ZNF462: variants seen among roughly 807,000 people sequenced by gnomAD.
ZNF462 encodes the protein zinc finger protein 462, also known as zinc finger PBX1-interacting protein.
A neutral mutation model predicts 201.9 loss-of-function variants in ZNF462; 10 were observed. The ratio of observed to expected loss-of-function variants is 0.05; its 90% CI spans 0.03 to 0.08. The LOEUF is 0.08. Ranked by LOEUF, ZNF462 falls within the 10% of genes least tolerant of loss-of-function variation. The pLI, the probability that ZNF462 is intolerant of heterozygous loss-of-function variation, is 1.00. For missense variants in ZNF462, 2,523 were observed against 3,168.3 expected (o/e 0.80, Z 4.89); for synonymous variants, 1,227 against 1,193.3 (o/e 1.03, Z -0.58).
In ZNF462 at chr9:106,954,353, G is replaced by A. The variant is rs1489959172; in HGVS notation, c.6427+15246G>A. Among the ~76,000 whole-genome samples, 1 of 151,990 alleles carries A rather than the reference G, an allele frequency of 6.6e-6. No individual in the cohort carries two copies. The highest frequency in any genetic ancestry group is 6.6e-5 in the Admixed American group (1 of 15,238). Reference sequence around the variant, plus strand: ...CCATACTTCTAAACCATCAGATCTTGTGATAACTCACTTACTGTCACAAGA... The same window carrying A: ...CCATACTTCTAAACCATCAGATCTTATGATAACTCACTTACTGTCACAAGA... On this transcript the variant is annotated intron_variant, in intron 7 of 12. Transcript: ENST00000277225. The surrounding 1 kb of genome is among the most constrained non-coding windows in gnomAD (Gnocchi z 4.0).
chr9:106,944,449 CATA>C (rs1032921910), intron 7 of ZNF462, among the ~76,000 whole-genome samples: 14 of 152,246 alleles, frequency 9.2e-5, no homozygotes, highest in South Asian at 2.1e-4. Flanking sequence ...TAAATTGACA[CATA>C]ATAATTACAC....
At chr9:106,964,409 A>G (rs1172576555) in intron 7 of ZNF462, among the ~76,000 whole-genome samples, 1 of 152,098 alleles carries the variant, frequency 6.6e-6, no homozygotes, top group African/African-American at 2.4e-5. Flanking sequence ...TTCATTTAAA[A>G]TGTAAATACA....
chr9:107,002,759 A>G (rs753518400), intron 10 of ZNF462, among the ~76,000 whole-genome samples: 2 of 152,230 alleles, frequency 1.3e-5, no homozygotes, highest in Non-Finnish European at 2.9e-5. Flanking sequence ...ATTATCTTCC[A>G]TTTAAACTAG....
In ZNF462 at chr9:106,928,185, G is replaced by A; in HGVS notation, c.4273G>A (p.Gly1425Ser). 1.2e-6 allele frequency: 2 copies of A among 1,614,156 alleles called. No homozygotes were observed. Among genetic ancestry groups the A allele is most frequent in the Non-Finnish European group, 1.7e-6 (2 of 1,180,032 alleles). Reference sequence around the variant, plus strand: ...CATTCTTTCATCCGAAGAGTTGGCAGGCCCTGTGAATTGTGAAAACAGTAT... The same window carrying A: ...CATTCTTTCATCCGAAGAGTTGGCAAGCCCTGTGAATTGTGAAAACAGTAT... ...KPILSSEELA[G>S]PVNCENSIPT... is the part of the protein sequence containing the mutation. Residue 1425 changes from glycine (G) to serine (S), a missense_variant, in exon 3 of 13, where the codon GGC becomes AGC. Coordinates refer to ENST00000277225, the MANE Select transcript of ZNF462 (RefSeq NM_021224.6). This position sits in a 1 kb window ranked among gnomAD's most constrained non-coding sequence, Gnocchi z 9.3.
At chr9:106,908,485 T>G (rs1829366327) in intron 1 of ZNF462, among the ~76,000 whole-genome samples, 1 of 152,126 alleles carries the variant, frequency 6.6e-6, no homozygotes, top group Non-Finnish European at 1.5e-5. Context: ...TTCCTTCTTT[T>G]GCTTGGTATA....
intron 1 of ZNF462, among the ~76,000 whole-genome samples, chr9:106,912,778 T>C (rs1473643113): frequency 6.6e-6 from 1 of 152,180 alleles, no homozygotes; most frequent in Non-Finnish European, 1.5e-5. Context: ...AACCTATTGA[T>C]GGTTAACTTT....
intron 1 of ZNF462, among the ~76,000 whole-genome samples, chr9:106,892,659 T>C (rs778771553): frequency 1.5e-4 from 23 of 151,766 alleles, no homozygotes; most frequent in South Asian, 4.2e-4. Context: ...TTCGCCTTCA[T>C]ATTTGGAGGC....
In ZNF462 at chr9:107,010,726, G is replaced by GA. The variant is rs572209267; in HGVS notation, c.7314-93dup. Reference sequence around the variant, plus strand: ...AACCCCAAGGCTTTTTGAGGATCAGGAAAATAAAGACACTCGAGGGTTTTT... The same window carrying GA: ...AACCCCAAGGCTTTTTGAGGATCAGGAAAAATAAAGACACTCGAGGGTTTTT... On this transcript the variant is annotated intron_variant, in intron 12 of 12. Coordinates refer to ENST00000277225, the MANE Select transcript of ZNF462 (RefSeq NM_021224.6). This position sits in a 1 kb window ranked among gnomAD's most constrained non-coding sequence, Gnocchi z 4.6. The GA allele has an allele frequency of 1.3e-3, 1,638 of 1,226,272 alleles. 12 individuals are homozygous for GA. The highest frequency in any genetic ancestry group is 5.8e-4 in the Non-Finnish European group (523 of 905,702). The allele number at this position is 1,226,272 out of a possible 1,614,324, so 76.0% of individuals were successfully genotyped here.
intron 7 of ZNF462, among the ~76,000 whole-genome samples, chr9:106,944,072 C>T (rs1831000386): frequency 6.6e-6 from 1 of 152,176 alleles, no homozygotes; most frequent in South Asian, 2.1e-4. Context: ...ATAAACCCTT[C>T]TGTCCCTCAG....
At chr9:106,882,229 G>C (rs1828129761) in intron 1 of ZNF462, among the ~76,000 whole-genome samples, 1 of 152,214 alleles carries the variant, frequency 6.6e-6, no homozygotes, top group African/African-American at 2.4e-5. Flanking sequence ...CAGAAAGGCA[G>C]GCTGAGTCTC....
At chr9:106,909,757 T>G (rs1463909057) in intron 1 of ZNF462, among the ~76,000 whole-genome samples, 3 of 152,204 alleles carry the variant, frequency 2.0e-5, no homozygotes, top group African/African-American at 7.2e-5. Context: ...TGACTAATTG[T>G]TAAAGGTCTT....
At chr9:106,879,339 C>CG (rs1554693630) in intron 1 of ZNF462, among the ~76,000 whole-genome samples, 1 of 108,768 alleles carries the variant, frequency 9.2e-6, no homozygotes, top group Non-Finnish European at 1.8e-5. Flanking sequence ...TCCACCCCCC[C>CG]CCCCACCCCC....
At chr9:106,889,488 CT>C (rs988208006) in intron 1 of ZNF462, among the ~76,000 whole-genome samples, 1 of 152,218 alleles carries the variant, frequency 6.6e-6, no homozygotes, top group Non-Finnish European at 1.5e-5. Flanking sequence ...GTGATTCCCC[CT>C]GCTCTGCTCT....
Position 107,012,612 on chromosome 9 carries a change from C to T in ZNF462, c.*1582C>T, listed in dbSNP as rs1315384043. 2.0e-5 allele frequency: 3 copies of T among 150,680 alleles called. No individual in the cohort carries two copies. The highest frequency in any genetic ancestry group is 1.3e-4 in the Admixed American group (2 of 15,066). 9.3% of individuals were successfully genotyped at this position (150,680 alleles called of 1,614,324 possible). ...AATAGAAAAGAACTTTTCTTGAAGC[C>T]TAGGTTTTAGAAGCCCGTGTGTGTG... On this transcript the variant is annotated 3_prime_UTR_variant, in exon 13 of 13. Coordinates refer to ENST00000277225, the MANE Select transcript of ZNF462 (RefSeq NM_021224.6).
intron 10 of ZNF462, among the ~76,000 whole-genome samples, chr9:106,998,040 A>T (rs1828872241): frequency 6.6e-6 from 1 of 152,172 alleles, no homozygotes; most frequent in East Asian, 1.9e-4. Flanking sequence ...GAAAGCCTAA[A>T]AATATTTACT....
At chr9:106,941,940 T>C (rs1190382033) in intron 7 of ZNF462, among the ~76,000 whole-genome samples, 5 of 152,206 alleles carry the variant, frequency 3.3e-5, no homozygotes, top group African/African-American at 1.2e-4. Context: ...AATTAGGCCT[T>C]GAATGGTGTT....
chr9:107,003,493 G>A lies in ZNF462; in HGVS notation c.7189+67G>A. 2.5e-6 allele frequency: 4 copies of A among 1,577,088 alleles called. No individual in the cohort carries two copies. In the Admixed American group the frequency reaches 7.1e-5, roughly 28 times the overall value. ...CATGTCCGTAGTGAGACAGAAGGGA[G>A]GCAGGAGGTTGTTGTAGGAGTAACA... On this transcript the variant is annotated intron_variant, in intron 11 of 12. Coordinates refer to ENST00000277225, the MANE Select transcript of ZNF462 (RefSeq NM_021224.6). This position sits in a 1 kb window ranked among gnomAD's most constrained non-coding sequence, Gnocchi z 4.4.
chr9:106,936,586 CT>C (rs1830641924), intron 6 of ZNF462, among the ~76,000 whole-genome samples: 1 of 152,154 alleles, frequency 6.6e-6, no homozygotes, highest in Non-Finnish European at 1.5e-5. Flanking sequence ...GCTATAGGGG[CT>C]TTTCTCTATC....
Position 106,926,142 on chromosome 9 carries a change from C to T in ZNF462, c.2230C>T (p.Pro744Ser). 6.2e-7 allele frequency: 1 copy of T among 1,614,148 alleles called. No individual in the cohort carries two copies. Among genetic ancestry groups the T allele is most frequent in the Admixed American group, 1.7e-5 (1 of 60,026 alleles). Residue 744 changes from proline to serine, a missense_variant, in exon 3 of 13, where the codon CCG (proline) becomes TCG (serine). Physicochemically the swap from Pro to Ser is moderately conservative, Grantham distance 74. Coordinates refer to ENST00000277225, the MANE Select transcript of ZNF462 (RefSeq NM_021224.6). The surrounding 1 kb of genome is among the most constrained non-coding windows in gnomAD (Gnocchi z 7.9). ...IEVELDREEE[P>S]TEPIIEVPTS... ...GGTTGAGTTGGACAGGGAGGAAGAA[C>T]CGACAGAACCCATCATAGAGGTTCC...
Sources: gnomAD v4.1 joint callset for allele counts (sites outside exome capture counted in the v4.1 genomes callset) on GRCh38, gnomAD v4.1.1 for gene constraint, Gnocchi (gnomAD v3.1) non-coding constraint, MANE v1.5 for transcripts, NCBI Gene and HGNC (gene_info 2026-07-23, HGNC 2026-07-21) for gene names.